The following SGCZ variants were observed in gnomAD, a reference collection of about 807,000 sequenced individuals.
SGCZ encodes sarcoglycan zeta.
SGCZ carries 40 observed loss-of-function variants against 41.3 expected under a neutral mutation model. That is an observed-to-expected ratio of 0.97 (90% CI 0.75 to 1.26). The LOEUF is 1.26. Among genes scored for constraint, SGCZ ranks in the 50% most tolerant of loss-of-function variants. The pLI, the probability that SGCZ is intolerant of heterozygous loss-of-function variation, is 0.00. For missense variants in SGCZ, 552 were observed against 369.8 expected (o/e 1.49, Z -4.04); for synonymous variants, 206 against 137.5 (o/e 1.50, Z -3.49).
chr8:15,091,610 C>G (rs565329497), intron 1 of SGCZ, among the ~76,000 whole-genome samples: 118 of 152,244 alleles, frequency 7.8e-4, no homozygotes, highest in African/African-American at 2.8e-3. Flanking sequence ...CACATCCTTC[C>G]ACAGATCTGC....
intron 4 of SGCZ, among the ~76,000 whole-genome samples, chr8:14,231,535 A>C (rs1309177653): frequency 2.0e-5 from 3 of 151,456 alleles, no homozygotes; most frequent in Non-Finnish European, 4.4e-5. Flanking sequence ...CACACACACC[A>C]TGTCTTGCAG....
At chr8:14,784,709 A>T (rs1481107105) in intron 1 of SGCZ, among the ~76,000 whole-genome samples, 1 of 151,330 alleles carries the variant, frequency 6.6e-6, no homozygotes. Context: ...AGCCTGACTA[A>T]CGTGGAGAAA....
intron 4 of SGCZ, among the ~76,000 whole-genome samples, chr8:14,166,451 C>A (rs1804213479): frequency 3.9e-5 from 6 of 152,032 alleles, no homozygotes; most frequent in Admixed American, 3.9e-4. Flanking sequence ...AAAAACTGTG[C>A]CAGAGGCCAA....
rs1162074439 is a variant in SGCZ at position 15,196,139 on chromosome 8, C to T, written c.39+41446G>A. On this transcript the variant is annotated intron_variant, in intron 1 of 7. Coordinates refer to ENST00000382080, the MANE Select transcript of SGCZ (RefSeq NM_139167.4). ...GTCTCGATCTCCTGACCTCGTGATC[C>T]GCCCGCCTCGGCCTCCCAAAGTGCT... 8.2e-5 allele frequency among the ~76,000 whole-genome samples: 11 copies of T among 134,012 alleles called. No individual in the cohort carries two copies. In the East Asian group the frequency reaches 1.6e-3, roughly 19 times the overall value. The allele number at this position is 134,012 out of a possible 152,430, so 87.9% of individuals were successfully genotyped here. A position where few individuals can be genotyped will look rare whatever the true frequency, so the allele number is the denominator to read the frequency against.
At chr8:14,673,011 C>A (rs1180241822) in intron 1 of SGCZ, among the ~76,000 whole-genome samples, 1 of 152,180 alleles carries the variant, frequency 6.6e-6, no homozygotes, top group Non-Finnish European at 1.5e-5. Context: ...TTTATAAAAA[C>A]ACACAGCAGG....
intron 3 of SGCZ, among the ~76,000 whole-genome samples, chr8:14,283,207 A>G (rs951349351): frequency 1.3e-5 from 2 of 152,026 alleles, no homozygotes; most frequent in Admixed American, 6.6e-5. Flanking sequence ...AAAAATACCA[A>G]TCTTAAATGA....
At chr8:14,773,505 ACT>A (rs1800311017) in intron 1 of SGCZ, among the ~76,000 whole-genome samples, 2 of 151,968 alleles carry the variant, frequency 1.3e-5, no homozygotes, top group South Asian at 4.1e-4. Context: ...AACATTTCAA[ACT>A]CTTCTGGCTG....
intron 1 of SGCZ, among the ~76,000 whole-genome samples, chr8:15,152,921 T>C (rs1314009520): frequency 6.6e-6 from 1 of 152,132 alleles, no homozygotes; most frequent in Non-Finnish European, 1.5e-5. Context: ...ACTGCTCCAG[T>C]CTCCTGGGTA....
intron 4 of SGCZ, among the ~76,000 whole-genome samples, chr8:14,199,824 T>C (rs1461745825): frequency 1.3e-5 from 2 of 152,158 alleles, no homozygotes; most frequent in Non-Finnish European, 2.9e-5. Flanking sequence ...AGTTCACGAC[T>C]GACAATGAAA....
chr8:14,641,581 T>A lies in SGCZ; in HGVS notation c.40-86655A>T, dbSNP rs565475836. On this transcript the variant is annotated intron_variant, in intron 1 of 7. Transcript: ENST00000382080. ...TTCAGAGGCACAGAGAAAAACAACATATTATATTTAAAGTAATAGCCAAAT... is the reference window on the plus strand; with the variant it reads ...TTCAGAGGCACAGAGAAAAACAACAAATTATATTTAAAGTAATAGCCAAAT... Among the ~76,000 whole-genome samples, 3 of 151,768 alleles carry A rather than the reference T, an allele frequency of 2.0e-5. No homozygotes were observed. The South Asian group carries it at 6.2e-4, about 31-fold the overall frequency.
intron 2 of SGCZ, among the ~76,000 whole-genome samples, chr8:14,468,217 G>C (rs779589230): frequency 6.6e-6 from 1 of 151,830 alleles, no homozygotes; most frequent in Non-Finnish European, 1.5e-5. Context: ...GCATAATACA[G>C]ATAGAATGAT....
intron 1 of SGCZ, among the ~76,000 whole-genome samples, chr8:15,059,705 T>C (rs1369555486): frequency 6.6e-6 from 1 of 152,218 alleles, no homozygotes; most frequent in African/African-American, 2.4e-5. Flanking sequence ...TTTCTGAACA[T>C]AATGAATCAT....
At chr8:14,368,847 A>G (rs7839551) in intron 2 of SGCZ, among the ~76,000 whole-genome samples, 10,559 of 152,046 alleles carry the variant, frequency 0.069, 1,115 homozygotes, top group African/African-American at 0.23. Context: ...AAAAAGTTAC[A>G]TATACTTGTT....
intron 3 of SGCZ, among the ~76,000 whole-genome samples, chr8:14,285,714 G>C (rs1454605607): frequency 6.6e-6 from 1 of 152,070 alleles, no homozygotes; most frequent in Non-Finnish European, 1.5e-5. Flanking sequence ...CCAGGGGAAA[G>C]TGGTTTCTAT....
intron 1 of SGCZ, among the ~76,000 whole-genome samples, chr8:14,923,485 T>A (rs1041216021): frequency 5.3e-5 from 8 of 152,170 alleles, no homozygotes; most frequent in African/African-American, 1.9e-4. Flanking sequence ...TATTTGCTTT[T>A]TATAGAGATT....
At chr8:14,449,269 G>T (rs1210713158) in intron 2 of SGCZ, among the ~76,000 whole-genome samples, 1 of 152,068 alleles carries the variant, frequency 6.6e-6, no homozygotes, top group African/African-American at 2.4e-5. Flanking sequence ...ACAAAACATT[G>T]GGTTCACATT....
At chr8:14,347,020 C>T (rs111930371) in intron 2 of SGCZ, among the ~76,000 whole-genome samples, 1,693 of 151,922 alleles carry the variant, frequency 0.011, 20 homozygotes, top group African/African-American at 0.026. Context: ...ATTTATTATC[C>T]TTATCAAGAA....
At chr8:14,196,007 T>C (rs1805255925) in intron 4 of SGCZ, among the ~76,000 whole-genome samples, 1 of 152,120 alleles carries the variant, frequency 6.6e-6, no homozygotes, top group Non-Finnish European at 1.5e-5. Context: ...TTTCTTATTA[T>C]TTAATCTATT....
At chr8:14,751,857 G>A (rs774604641) in intron 1 of SGCZ, among the ~76,000 whole-genome samples, 18 of 151,802 alleles carry the variant, frequency 1.2e-4, no homozygotes, top group African/African-American at 1.9e-4. Context: ...CCATGAACCC[G>A]GGAGGCAGAG....
Sources: gnomAD v4.1 joint callset for allele counts (sites outside exome capture counted in the v4.1 genomes callset) on GRCh38, gnomAD v4.1.1 for gene constraint, MANE v1.5 for transcripts, NCBI Gene and HGNC (gene_info 2026-07-23, HGNC 2026-07-21) for gene names.